PTPRK: variants seen among roughly 807,000 people sequenced by gnomAD.
PTPRK encodes protein tyrosine phosphatase receptor type K.
A neutral mutation model predicts 178.0 loss-of-function variants in PTPRK; 75 were observed. That is an observed-to-expected ratio of 0.42 (90% CI 0.35 to 0.51). The LOEUF (loss-of-function observed/expected upper bound fraction) is 0.51, where lower values mean the gene tolerates loss of function less well. Among genes scored for constraint, PTPRK ranks in the 20% least tolerant of loss-of-function variants. The probability of loss-of-function intolerance (pLI) is 0.02; values close to 1 mark genes in which losing one functional copy is unlikely to be tolerated. For missense variants in PTPRK, 1,441 were observed against 1,797.8 expected (o/e 0.80, Z 3.59); for synonymous variants, 637 against 620.6 (o/e 1.03, Z -0.39).
chr6:128,063,139 T>A (rs1175268484), intron 13 of PTPRK, among the ~76,000 whole-genome samples: 1 of 152,142 alleles, frequency 6.6e-6, no homozygotes, highest in Non-Finnish European at 1.5e-5. Flanking sequence ...TCCTTTCTCT[T>A]ACTCACTACA....
chr6:128,085,096 C>A (rs750934814), intron 8 of PTPRK: 1 of 152,176 alleles, frequency 6.6e-6, no homozygotes, highest in Non-Finnish European at 1.5e-5. Flanking sequence ...ATGAATGATA[C>A]TATGACCTCT....
intron 3 of PTPRK, among the ~76,000 whole-genome samples, chr6:128,309,873 A>C (rs1241294207): frequency 6.6e-6 from 1 of 150,998 alleles, no homozygotes; most frequent in Non-Finnish European, 1.5e-5. Context: ...ATATGATCAC[A>C]AAAAATGGTT....
intron 1 of PTPRK, among the ~76,000 whole-genome samples, 157 bp from the exon 2 acceptor site, chr6:128,397,845 C>A (rs1840525007): frequency 6.6e-6 from 1 of 152,102 alleles, no homozygotes; most frequent in Non-Finnish European, 1.5e-5. Context: ...TAAATTTTCA[C>A]AGAAAAATAA....
chr6:128,428,073 CAG>C (rs1844386053), intron 1 of PTPRK, among the ~76,000 whole-genome samples: 1 of 151,808 alleles, frequency 6.6e-6, no homozygotes, highest in South Asian at 2.1e-4. Context: ...AGCCTGGTGA[CAG>C]AGAGAGACTC....
At chr6:128,004,493 A>G (rs1440648885) in intron 15 of PTPRK, among the ~76,000 whole-genome samples, 9 of 151,832 alleles carry the variant, frequency 5.9e-5, no homozygotes. Context: ...AGACAGATGG[A>G]TGGATGAATT....
intron 6 of PTPRK, among the ~76,000 whole-genome samples, chr6:128,189,558 T>C (rs560036071): frequency 1.3e-5 from 2 of 152,212 alleles, no homozygotes; most frequent in East Asian, 3.9e-4. Flanking sequence ...CTTTTTACTA[T>C]TTTTTGTAAA....
At chr6:128,459,476 C>T (rs1584812629) in intron 1 of PTPRK, among the ~76,000 whole-genome samples, 1 of 152,298 alleles carries the variant, frequency 6.6e-6, no homozygotes, top group East Asian at 1.9e-4. Flanking sequence ...GCTTTGACAG[C>T]TTTATACCCA....
intron 3 of PTPRK, among the ~76,000 whole-genome samples, chr6:128,309,656 T>TA (rs1309564910): frequency 1.3e-5 from 2 of 152,130 alleles, no homozygotes; most frequent in East Asian, 1.9e-4. Context: ...GAGAGAACCT[T>TA]AAAAAAACTT....
chr6:128,046,805 T>C (rs1778101382), intron 13 of PTPRK, among the ~76,000 whole-genome samples: 1 of 152,202 alleles, frequency 6.6e-6, no homozygotes, highest in Non-Finnish European at 1.5e-5. Flanking sequence ...GTGGTGACTC[T>C]AATGGAAATG....
intron 1 of PTPRK, among the ~76,000 whole-genome samples, chr6:128,412,435 A>C (rs1584592004): frequency 6.6e-6 from 1 of 152,242 alleles, no homozygotes; most frequent in East Asian, 1.9e-4. Context: ...TCTCATTGCT[A>C]GTAAGGCACC....
intron 2 of PTPRK, among the ~76,000 whole-genome samples, chr6:128,368,311 C>T (rs752788187): frequency 6.7e-6 from 1 of 148,974 alleles, no homozygotes; most frequent in African/African-American, 2.5e-5. Flanking sequence ...TTTAAACAAA[C>T]AAAACAAAAT....
At chr6:128,188,671 C>T (rs977181390) in intron 6 of PTPRK, among the ~76,000 whole-genome samples, 1 of 152,120 alleles carries the variant, frequency 6.6e-6, no homozygotes, top group African/African-American at 2.4e-5. Flanking sequence ...CTCTCCAAGT[C>T]CTGGAAGCCA....
intron 2 of PTPRK, 142 bp from the exon 3 acceptor site, chr6:128,322,452 C>G: frequency 1.3e-6 from 1 of 754,802 alleles, no homozygotes; most frequent in Non-Finnish European, 2.1e-6. Context: ...AGAAATACAT[C>G]AATCAAATAA....
rs2114257186 is a variant in PTPRK, at chr6:128,099,757, G to A, written c.1163-9765C>T. Reference sequence around the variant, plus strand: ...AGGACTGCAGGGTTGATGATTATTTGTCCATTTCCTTTTCTGAAGCCACCA... The same window carrying A: ...AGGACTGCAGGGTTGATGATTATTTATCCATTTCCTTTTCTGAAGCCACCA... On this transcript the variant is annotated intron_variant, in intron 7 of 29. Coordinates refer to ENST00000368226, the MANE Select transcript of PTPRK (RefSeq NM_002844.4). Among the ~76,000 whole-genome samples, 2 of 152,136 alleles carry A rather than the reference G, an allele frequency of 1.3e-5. 1 individual carries two copies. Among genetic ancestry groups the A allele is most frequent in the Middle Eastern group, 6.8e-3 (2 of 294 alleles).
At chr6:128,031,372 C>T (rs893521222) in intron 13 of PTPRK, among the ~76,000 whole-genome samples, 10 of 152,132 alleles carry the variant, frequency 6.6e-5, no homozygotes, top group African/African-American at 2.4e-4. Context: ...GCACTTTGCA[C>T]TTTGTTTGAA....
chr6:128,201,574 T>A (rs916355301), intron 6 of PTPRK, among the ~76,000 whole-genome samples: 2 of 152,074 alleles, frequency 1.3e-5, no homozygotes, highest in Non-Finnish European at 2.9e-5. Flanking sequence ...AAATGATAGG[T>A]TTGGCCAGGC....
chr6:128,052,403 T>G lies in PTPRK; in HGVS notation c.2194+12355A>C, dbSNP rs1779165596. ...ATCTAAATGATCTAATTAGTTATATTTAGTTGCTATATCTCTTTGGTCCCC... is the reference window on the plus strand; with the variant it reads ...ATCTAAATGATCTAATTAGTTATATGTAGTTGCTATATCTCTTTGGTCCCC... On this transcript the variant is annotated intron_variant, in intron 13 of 29. Transcript: ENST00000368226. 3.3e-5 allele frequency among the ~76,000 whole-genome samples: 5 copies of G among 152,336 alleles called. No individual in the cohort carries two copies. The South Asian group carries it at 1.0e-3, about 32-fold the overall frequency.
chr6:128,143,204 A>G (rs889806855), intron 7 of PTPRK, among the ~76,000 whole-genome samples: 6 of 152,058 alleles, frequency 3.9e-5, no homozygotes, highest in African/African-American at 1.4e-4. Context: ...AGCAGACACT[A>G]ATATAATAAC....
chr6:128,279,424 C>T (rs1283060590), intron 3 of PTPRK, among the ~76,000 whole-genome samples: 3 of 152,054 alleles, frequency 2.0e-5, no homozygotes, highest in African/African-American at 7.2e-5. Flanking sequence ...ATTAAAAACA[C>T]AAAATAACTG....
Sources: allele counts gnomAD v4.1 joint callset (sites outside exome capture counted in the v4.1 genomes callset), GRCh38; gene constraint gnomAD v4.1.1; transcripts MANE v1.5; gene names NCBI Gene and HGNC (gene_info 2026-07-23, HGNC 2026-07-21).